The following NDST4 variants were observed in gnomAD, a reference collection of about 807,000 sequenced individuals.
NDST4 encodes N-deacetylase and N-sulfotransferase 4, also known as N-heparan sulfate sulfotransferase 4.
A neutral mutation model predicts 100.8 loss-of-function variants in NDST4; 63 were observed. The ratio of observed to expected loss-of-function variants is 0.62; its 90% CI spans 0.51 to 0.77. The LOEUF is 0.77. Ranked by LOEUF, NDST4 falls within the 30% of genes least tolerant of loss-of-function variation. The pLI is 0.00. For missense variants in NDST4, 943 were observed against 1,018.4 expected (o/e 0.93, Z 1.01); for synonymous variants, 377 against 361.8 (o/e 1.04, Z -0.48).
intron 1 of NDST4, among the ~76,000 whole-genome samples, chr4:115,087,895 C>T (rs940702075): frequency 6.6e-6 from 1 of 151,200 alleles, no homozygotes; most frequent in South Asian, 2.1e-4. Flanking sequence ...TTTTGAAAAC[C>T]CATAATATTA....
chr4:115,092,649 A>G (rs1729542299), intron 1 of NDST4, among the ~76,000 whole-genome samples: 1 of 152,194 alleles, frequency 6.6e-6, no homozygotes, highest in Non-Finnish European at 1.5e-5. Flanking sequence ...AGTATCAGTT[A>G]ACTTTGCATA....
At chr4:114,957,706 T>C (rs1578413155) in intron 4 of NDST4, among the ~76,000 whole-genome samples, 1 of 152,148 alleles carries the variant, frequency 6.6e-6, no homozygotes, top group African/African-American at 2.4e-5. Flanking sequence ...AAGCAAATTA[T>C]TTACTTCTTA....
At chr4:114,840,610 C>G (rs565779979) in intron 10 of NDST4, among the ~76,000 whole-genome samples, 47 of 152,082 alleles carry the variant, frequency 3.1e-4, no homozygotes, top group African/African-American at 1.1e-3. Context: ...ATCAGAAAAA[C>G]AAAACCACCA....
At chr4:115,032,120 T>G (rs1284195393) in intron 2 of NDST4, among the ~76,000 whole-genome samples, 1 of 152,090 alleles carries the variant, frequency 6.6e-6, no homozygotes, top group Non-Finnish European at 1.5e-5. Flanking sequence ...ATTAATGACT[T>G]TGCAGAAACA....
At chr4:115,033,148 T>C (rs1728153490) in intron 2 of NDST4, among the ~76,000 whole-genome samples, 1 of 131,412 alleles carries the variant, frequency 7.6e-6, no homozygotes, top group South Asian at 2.3e-4. Flanking sequence ...TATATATATA[T>C]ATATATATAT....
intron 1 of NDST4, among the ~76,000 whole-genome samples, chr4:115,110,707 G>A (rs1295498935): frequency 4.0e-5 from 6 of 151,794 alleles, no homozygotes; most frequent in African/African-American, 1.5e-4. Context: ...TTTTATAGGA[G>A]TTTCTGGTAG....
intron 2 of NDST4, among the ~76,000 whole-genome samples, chr4:115,067,694 A>G (rs1728979257): frequency 1.3e-5 from 2 of 151,790 alleles, no homozygotes; most frequent in Admixed American, 1.3e-4. Context: ...TACTAATGGA[A>G]GAGTCCTTCT....
intron 1 of NDST4, among the ~76,000 whole-genome samples, chr4:115,088,937 G>A (rs1729459857): frequency 6.6e-6 from 1 of 152,036 alleles, no homozygotes; most frequent in Non-Finnish European, 1.5e-5. Context: ...TCATAGTACA[G>A]CCTATAACAC....
Position 114,870,669 on chromosome 4 carries a change from C to T in NDST4, c.1719+99G>A, listed in dbSNP as rs1724128168. The stretch of plus-strand genomic sequence containing the variant: ...ATAAAAGAGGATTTTGTGTTAAATT[C>T]CAGTTTTAATATGTCCAGCAGAGTG... On this transcript the variant is annotated intron_variant, in intron 7 of 13. Coordinates refer to ENST00000264363, the MANE Select transcript of NDST4 (RefSeq NM_022569.3). 8.6e-6 allele frequency: 8 copies of T among 932,316 alleles called. No homozygotes were observed. The South Asian group carries it at 2.4e-4, about 29-fold the overall frequency. 57.8% of individuals were successfully genotyped at this position (932,316 alleles called of 1,614,324 possible). A position where few individuals can be genotyped will look rare whatever the true frequency, so the allele number is the denominator to read the frequency against.
intron 4 of NDST4, among the ~76,000 whole-genome samples, chr4:114,944,848 G>A (rs1391193201): frequency 1.3e-5 from 2 of 152,188 alleles, no homozygotes; most frequent in South Asian, 2.1e-4. Flanking sequence ...ACACCACCCC[G>A]GTGCTGCATT....
At chr4:114,837,929 CA>C (rs1723337348) in intron 11 of NDST4, among the ~76,000 whole-genome samples, 2 of 152,138 alleles carry the variant, frequency 1.3e-5, no homozygotes, top group African/African-American at 4.8e-5. Flanking sequence ...ATCCATCTGA[CA>C]GAGGGTTAAT....
chr4:114,947,704 C>G (rs916826989), intron 4 of NDST4, among the ~76,000 whole-genome samples: 1 of 148,550 alleles, frequency 6.7e-6, no homozygotes, highest in Non-Finnish European at 1.5e-5. Context: ...TTGCTTAATT[C>G]AAATCATACA....
Position 114,839,416 on chromosome 4 carries a change from G to T in NDST4, c.2248C>A (p.His750Asn), listed in dbSNP as rs749914903. ...RCLVPGWYAV[H>N]IERWLTYFAT... is the part of the protein sequence containing the mutation. ...AAGTAAGTTAGCCATCTTTCTATGT[G>T]GACTGCATACCATCCAGGTACTAGG... The change falls in exon 11 of 14, where the codon CAC (histidine) becomes AAC (asparagine). Residue 750 changes from histidine (H) to asparagine (N), a missense_variant. His to Asn is a moderately conservative substitution (Grantham distance 68). This residue lies in a region of NDST4 where 526 missense variants were observed against 634.1 expected (regional missense o/e 0.83). Coordinates refer to ENST00000264363, the MANE Select transcript of NDST4 (RefSeq NM_022569.3). The T allele has an allele frequency of 1.9e-6, 3 of 1,613,156 alleles. No individual in the cohort carries two copies. The South Asian group carries it at 3.3e-5, about 18-fold the overall frequency.
At chr4:114,866,186 C>G (rs1257003787) in intron 7 of NDST4, among the ~76,000 whole-genome samples, 1 of 152,206 alleles carries the variant, frequency 6.6e-6, no homozygotes, top group Non-Finnish European at 1.5e-5. Context: ...TCGTTATTCT[C>G]AGTCTCACTC....
intron 4 of NDST4, among the ~76,000 whole-genome samples, chr4:114,942,465 T>C (rs1163392564): frequency 6.6e-6 from 1 of 152,152 alleles, no homozygotes; most frequent in Non-Finnish European, 1.5e-5. Flanking sequence ...CGAACATCTA[T>C]AGAGGCTGAA....
At chr4:115,022,419 C>CT (rs1727867506) in intron 2 of NDST4, among the ~76,000 whole-genome samples, 1 of 15,718 alleles carries the variant, frequency 6.4e-5, no homozygotes, top group Non-Finnish European at 1.3e-4. Flanking sequence ...ATATGTGTTC[C>CT]ATATATATGT....
At chr4:114,875,161 G>T (rs572295261) in intron 6 of NDST4, among the ~76,000 whole-genome samples, 1 of 152,222 alleles carries the variant, frequency 6.6e-6, no homozygotes, top group South Asian at 2.1e-4. Flanking sequence ...TTCCAAGAGG[G>T]CACCAAGGTC....
chr4:115,093,568 A>C (rs1729564548), intron 1 of NDST4, among the ~76,000 whole-genome samples: 7 of 152,164 alleles, frequency 4.6e-5, no homozygotes, highest in Admixed American at 4.6e-4. Flanking sequence ...AAGACCTGTA[A>C]AATATTAGGG....
chr4:115,024,639 C>G (rs958615842), intron 2 of NDST4, among the ~76,000 whole-genome samples: 2 of 152,096 alleles, frequency 1.3e-5, no homozygotes, highest in African/African-American at 4.8e-5. Flanking sequence ...TTGAGTCTCA[C>G]CCATTTCTGA....
Sources: allele counts gnomAD v4.1 joint callset (sites outside exome capture counted in the v4.1 genomes callset), GRCh38; gene constraint gnomAD v4.1.1; regional missense constraint gnomAD v4.1.1; transcripts MANE v1.5; gene names NCBI Gene and HGNC (gene_info 2026-07-23, HGNC 2026-07-21).